NF1: variants seen among roughly 807,000 people sequenced by gnomAD.
NF1 encodes neurofibromin 1, also known as neurofibromin.
Under a neutral mutation model 325.7 loss-of-function variants are expected in NF1, and 122 were observed. That is an observed-to-expected ratio of 0.37 (90% CI 0.32 to 0.44). The LOEUF (loss-of-function observed/expected upper bound fraction) is 0.44. Ranked by LOEUF, NF1 falls within the 20% of genes least tolerant of loss-of-function variation. The pLI is 1.00. For synonymous variants in NF1, 1,091 were observed against 1,186.0 expected (o/e 0.92, Z 1.65); for missense variants, 2,140 against 3,415.4 (o/e 0.63, Z 9.31).
chr17:31,103,119 G>T (rs900741749), intron 1 of NF1, among the ~76,000 whole-genome samples: 1 of 151,168 alleles, frequency 6.6e-6, no homozygotes, highest in Non-Finnish European at 1.5e-5. Context: ...GGGATTATAG[G>T]CATAAGCTGT....
Position 31,181,346 on chromosome 17 carries a change from G to T in NF1, c.587-76G>T, listed in dbSNP as rs900947949. 32 of 1,344,304 alleles carry T rather than the reference G, an allele frequency of 2.4e-5. No homozygotes were observed. The African/African-American group carries it at 3.6e-4, about 15-fold the overall frequency. 83.3% of individuals were successfully genotyped at this position (1,344,304 alleles called of 1,614,324 possible). On this transcript the variant is annotated intron_variant, in intron 5 of 57. Coordinates refer to ENST00000358273, the MANE Select transcript of NF1 (RefSeq NM_001042492.3). The stretch of plus-strand genomic sequence containing the variant: ...TTGGAGCAAAAGTAATACGTAAATG[G>T]AAAGTTATTTTGCTCTGAGTTGTAT...
At chr17:31,341,500 GCAAC>G (rs2069819478) in intron 47 of NF1, among the ~76,000 whole-genome samples, 1 of 151,836 alleles carries the variant, frequency 6.6e-6, no homozygotes, top group African/African-American at 2.4e-5. Flanking sequence ...TCCAGCTTGG[GCAAC>G]AGAGCAAGAC....
chr17:31,181,901 T>C (rs2066144617), intron 7 of NF1, 116 bp downstream of exon 7: 2 of 750,218 alleles, frequency 2.7e-6, no homozygotes, highest in Middle Eastern at 3.4e-4. Flanking sequence ...TTACATCTTC[T>C]ATTGTCAACT....
chr17:31,165,643 A>G (rs1349715144), intron 4 of NF1, among the ~76,000 whole-genome samples: 1 of 152,044 alleles, frequency 6.6e-6, no homozygotes, highest in East Asian at 1.9e-4. Flanking sequence ...TTTGGTTTTT[A>G]TATTTCTGAC....
chr17:31,229,578 C>A lies in NF1; in HGVS notation c.2850+113C>A, dbSNP rs2067077049. The A allele has an allele frequency of 3.2e-5, 42 of 1,298,166 alleles. No homozygotes were observed. In the South Asian group the frequency reaches 5.2e-4, roughly 16 times the overall value. 80.4% of individuals were successfully genotyped at this position (1,298,166 alleles called of 1,614,324 possible). On this transcript the variant is annotated intron_variant, in intron 21 of 57. Coordinates refer to ENST00000358273, the MANE Select transcript of NF1 (RefSeq NM_001042492.3). Reference sequence around the variant, plus strand: ...GGTACTCACAGTTTTTAAAAATTTCCAAAAAATTGCAGAAAGAAGAGTCAT... The same window carrying A: ...GGTACTCACAGTTTTTAAAAATTTCAAAAAAATTGCAGAAAGAAGAGTCAT...
At chr17:31,105,037 A>G (rs527629155) in intron 1 of NF1, among the ~76,000 whole-genome samples, 2 of 152,080 alleles carry the variant, frequency 1.3e-5, no homozygotes, top group Admixed American at 6.6e-5. Flanking sequence ...ATCTAGGACT[A>G]TGGGCGTGCG....
At chr17:31,271,841 ATC>A (rs1210907164) in intron 36 of NF1, among the ~76,000 whole-genome samples, 5 of 149,614 alleles carry the variant, frequency 3.3e-5, no homozygotes, top group Non-Finnish European at 5.9e-5. Context: ...CCTATCCTTC[ATC>A]TCTCTGTCAC....
intron 24 of NF1, among the ~76,000 whole-genome samples, chr17:31,231,857 AAAGT>A (rs1448530641): frequency 8.5e-5 from 13 of 152,186 alleles, no homozygotes; most frequent in African/African-American, 2.6e-4. Flanking sequence ...TACTTTGTAG[AAAGT>A]AAGTATTACC....
chr17:31,261,790 C>T lies in NF1; in HGVS notation c.4657C>T (p.Pro1553Ser), dbSNP rs1033427343. Residue 1553 changes from proline (P) to serine (S), a missense_variant, in exon 35 of 58, where the codon CCT becomes TCT. Pro to Ser is a moderately conservative substitution (Grantham distance 74). Transcript: ENST00000358273. The part of the protein sequence containing the change: ...LAYLGPPEHK[P>S]VADTHWSSLN... ...ATACCTGGGTCCTCCAGAGCACAAA[C>T]CTGTGGCAGATACACACTGGTCCAG... is the stretch of plus-strand genomic sequence containing the variant. 3 of 1,612,572 alleles carry T rather than the reference C, an allele frequency of 1.9e-6. No individual in the cohort carries two copies. Among genetic ancestry groups the T allele is most frequent in the Non-Finnish European group, 2.5e-6 (3 of 1,179,976 alleles).
intron 12 of NF1, among the ~76,000 whole-genome samples, chr17:31,211,255 GAATT>G (rs1214838415): frequency 9.9e-5 from 15 of 152,146 alleles, no homozygotes; most frequent in Admixed American, 2.0e-4. Flanking sequence ...ATGAATGAAT[GAATT>G]TTTTTCTTAC....
intron 8 of NF1, among the ~76,000 whole-genome samples, chr17:31,186,503 C>G (rs947505917): frequency 2.0e-5 from 3 of 152,168 alleles, no homozygotes; most frequent in African/African-American, 7.2e-5. Context: ...TATACTGATT[C>G]ATGGGCTGGA....
At chr17:31,284,114 G>A (rs909300396) in intron 36 of NF1, among the ~76,000 whole-genome samples, 1 of 152,158 alleles carries the variant, frequency 6.6e-6, no homozygotes. Context: ...TTGTTTGTTT[G>A]TTTTGAGACC....
At chr17:31,365,508 T>C (rs1191454206) in intron 57 of NF1, among the ~76,000 whole-genome samples, 1 of 152,178 alleles carries the variant, frequency 6.6e-6, no homozygotes, top group East Asian at 1.9e-4. Context: ...TTGAAAGTTA[T>C]TTCCTTCCGA....
chr17:31,349,290 C>CTA (rs767823030), intron 49 of NF1, 39 bp downstream of exon 49: 1 of 1,598,412 alleles, frequency 6.3e-7, no homozygotes, highest in Non-Finnish European at 8.5e-7. Context: ...CTTGCTACAT[C>CTA]TATATATAAG....
rs894608983 is a variant in NF1 at position 31,252,673 on chromosome 17, G to T, written c.4111-265G>T. The T allele has an allele frequency of 1.4e-5, 6 of 432,028 alleles. No homozygotes were observed. In the Middle Eastern group the frequency reaches 1.8e-3, roughly 133 times the overall value. The allele number at this position is 432,028 out of a possible 1,614,324, so 26.8% of individuals were successfully genotyped here. Reference sequence around the variant, plus strand: ...TAATATCCTCAAATTCACTTGGAGAGAGTTTTTCTGTGATTCATAGCCAGA... The same window carrying T: ...TAATATCCTCAAATTCACTTGGAGATAGTTTTTCTGTGATTCATAGCCAGA... On this transcript the variant is annotated intron_variant, in intron 30 of 57. Transcript: ENST00000358273.
intron 36 of NF1, among the ~76,000 whole-genome samples, chr17:31,301,396 T>C (rs2068570730): frequency 6.6e-6 from 1 of 152,164 alleles, no homozygotes; most frequent in Admixed American, 6.5e-5. Context: ...TTCCAATGCT[T>C]GTTTCCACTG....
chr17:31,211,813 TTGAG>T (rs1381076819), intron 12 of NF1, among the ~76,000 whole-genome samples: 2 of 152,202 alleles, frequency 1.3e-5, no homozygotes, highest in Non-Finnish European at 2.9e-5. Flanking sequence ...GGGTGAGTCA[TTGAG>T]TGAGTGTTGA....
intron 27 of NF1, among the ~76,000 whole-genome samples, chr17:31,234,937 T>G (rs1015881002): frequency 6.6e-6 from 1 of 152,112 alleles, no homozygotes; most frequent in African/African-American, 2.4e-5. Flanking sequence ...TAAACAGTGA[T>G]TTACCATTAG....
intron 36 of NF1, chr17:31,319,032 A>G (rs755485955): frequency 1.3e-6 from 2 of 1,571,820 alleles, no homozygotes; most frequent in Non-Finnish European, 1.7e-6. Flanking sequence ...ATCTGTTGGG[A>G]TAGCAATATA....
Sources: allele counts gnomAD v4.1 joint callset (sites outside exome capture counted in the v4.1 genomes callset), GRCh38; gene constraint gnomAD v4.1.1; transcripts MANE v1.5; gene names NCBI Gene and HGNC (gene_info 2026-07-23, HGNC 2026-07-21).